The following MOB3A variants were observed in gnomAD, a reference collection of about 807,000 sequenced individuals.
MOB3A encodes MOB LAK.
Under a neutral mutation model 17.8 loss-of-function variants are expected in MOB3A, and 17 were observed. The observed-to-expected ratio is 0.95, with a 90% CI of 0.65 to 1.43. MOB3A has a LOEUF of 1.43. Among genes scored for constraint, MOB3A ranks in the 40% most tolerant of loss-of-function variants. MOB3A has a pLI of 0.00. For synonymous variants in MOB3A, 124 were observed against 133.2 expected, an observed-to-expected ratio of 0.93 and a Z score of 0.48; for missense variants, 333 against 310.8, an observed-to-expected ratio of 1.07 and a Z score of -0.54.
rs781164159 is a variant in MOB3A at position 2,078,433 on chromosome 19, AG to A, written c.127del (p.Leu43TrpfsTer15). The A allele has an allele frequency of 6.8e-6, 11 of 1,613,838 alleles. No homozygotes were observed. The highest frequency in any genetic ancestry group is 8.5e-6 in the Non-Finnish European group (10 of 1,179,818). ...KKAQASLNAG[L>X]DLRLAVQLPP... ...CAACTGCACGGCCAGCCGCAGGTCC[AG>A]CCCGGCGTTCAGCGACGCCTGCGCC... is the stretch of plus-strand genomic sequence containing the variant. On this transcript the variant is annotated frameshift_variant, in exon 3 of 5. Coordinates refer to ENST00000357066, the MANE Select transcript of MOB3A (RefSeq NM_130807.3). LOFTEE classifies it high-confidence loss of function.
intron 1 of MOB3A, among the ~76,000 whole-genome samples, chr19:2,092,341 T>A (rs1024575185): frequency 6.6e-6 from 1 of 152,076 alleles, no homozygotes; most frequent in Non-Finnish European, 1.5e-5. Context: ...GTTCAAGCTA[T>A]CCTTCTGCCT....
At position 2,078,246 on chromosome 19, in the gene MOB3A, A is replaced by T. The variant is rs1277845338; in HGVS notation, c.315T>A (p.His105Gln). 5 of 1,613,882 alleles carry T rather than the reference A, an allele frequency of 3.1e-6. No individual in the cohort carries two copies. In the Admixed American group the frequency reaches 8.3e-5, roughly 27 times the overall value. Reference sequence around the variant, plus strand: ...AGAGTGCCGTGGGCTTCCGGAACTTATGCTCATCCTGCCAGCGGTACTCAT... The same window carrying T: ...AGAGTGCCGTGGGCTTCCGGAACTTTTGCTCATCCTGCCAGCGGTACTCAT... ...PKYEYRWQDEHKFRKPTALSA... is the reference protein window; with the variant it reads ...PKYEYRWQDEQKFRKPTALSA... Residue 105 changes from histidine to glutamine, a missense_variant, in exon 3 of 5, where the codon CAT becomes CAA. His to Gln is a conservative substitution (Grantham distance 24, BLOSUM62 0). Transcript: ENST00000357066.
chr19:2,078,439 G>A lies in MOB3A; in HGVS notation c.122C>T (p.Ala41Val). ...LHKKAQASLN[A>V]GLDLRLAVQL... ...CACGGCCAGCCGCAGGTCCAGCCCGGCGTTCAGCGACGCCTGCGCCTTCTT... is the reference window on the plus strand; with the variant it reads ...CACGGCCAGCCGCAGGTCCAGCCCGACGTTCAGCGACGCCTGCGCCTTCTT... The change falls in exon 3 of 5, where the codon GCC (alanine) becomes GTC (valine). Residue 41 changes from alanine (A) to valine (V), a missense_variant. Ala to Val is a moderately conservative substitution (Grantham distance 64, BLOSUM62 0). Transcript: ENST00000357066. The A allele has an allele frequency of 6.2e-7, 1 of 1,613,768 alleles. No homozygotes were observed. The highest frequency in any genetic ancestry group is 8.5e-7 in the Non-Finnish European group (1 of 1,179,778).
chr19:2,074,576 G>C (rs1020651318), intron 4 of MOB3A, among the ~76,000 whole-genome samples: 1 of 150,726 alleles, frequency 6.6e-6, no homozygotes, highest in Non-Finnish European at 1.5e-5. Flanking sequence ...TTTTTGAGAC[G>C]GAGTTTCACT....
rs1001980324 is a variant in MOB3A, at chr19:2,096,280, G to T, written c.-328C>A. ...CTCCCGGTACCCAACTGGCCGCCTC[G>T]GCCGCCTCAGCCGCCGCACCGCCTC... On this transcript the variant is annotated 5_prime_UTR_variant, in exon 1 of 5. Coordinates refer to ENST00000357066, the MANE Select transcript of MOB3A (RefSeq NM_130807.3). 6.4e-6 allele frequency: 1 copy of T among 157,216 alleles called. No homozygotes were observed. The highest frequency in any genetic ancestry group is 2.4e-5 in the African/African-American group (1 of 41,412). The allele number at this position is 157,216 out of a possible 1,614,324, so 9.7% of individuals were successfully genotyped here. A position where few individuals can be genotyped will look rare whatever the true frequency, so the allele number is the denominator to read the frequency against.
intron 1 of MOB3A, among the ~76,000 whole-genome samples, chr19:2,094,564 C>G (rs567323158): frequency 6.6e-6 from 1 of 152,224 alleles, no homozygotes; most frequent in Non-Finnish European, 1.5e-5. Flanking sequence ...TGGGCTCTGA[C>G]GGCTCCAGCC....
At chr19:2,077,106 G>T in intron 3 of MOB3A, 93 bp from the exon 4 acceptor site, 4 of 1,178,564 alleles carry the variant, frequency 3.4e-6, no homozygotes, top group Non-Finnish European at 3.6e-6. Context: ...CTTCCAGACA[G>T]AAATTGCTGG....
chr19:2,073,514 G>T (rs1343079179), intron 4 of MOB3A, 90 bp from the exon 5 acceptor site: 3 of 1,565,614 alleles, frequency 1.9e-6, no homozygotes, highest in South Asian at 2.2e-5. Context: ...CACAGGCAGA[G>T]AAACGGCAGC....
chr19:2,086,201 C>T (rs972156528), intron 1 of MOB3A, among the ~76,000 whole-genome samples: 8 of 151,236 alleles, frequency 5.3e-5, no homozygotes, highest in Non-Finnish European at 7.4e-5. Context: ...CTACAACGCC[C>T]GACTAATTTT....
chr19:2,076,454 C>CA (rs1310915498), intron 4 of MOB3A, among the ~76,000 whole-genome samples: 1 of 152,076 alleles, frequency 6.6e-6, no homozygotes, highest in Non-Finnish European at 1.5e-5. Context: ...AACAAACAAA[C>CA]AAAAAAAGTC....
chr19:2,071,099 G>A lies in MOB3A; in HGVS notation c.*2296C>T, dbSNP rs1343452830. On this transcript the variant is annotated 3_prime_UTR_variant, in exon 5 of 5. Coordinates refer to ENST00000357066, the MANE Select transcript of MOB3A (RefSeq NM_130807.3). The stretch of plus-strand genomic sequence containing the variant: ...CTGGGGGAGGGTGGTCTCCGAGGTG[G>A]ATGGAGTGAGGGTGGAGGGGACAGA... 6.6e-6 allele frequency: 1 copy of A among 152,126 alleles called. No homozygotes were observed. Among genetic ancestry groups the A allele is most frequent in the African/African-American group, 2.4e-5 (1 of 41,416 alleles). The allele number at this position is 152,126 out of a possible 1,614,324, so 9.4% of individuals were successfully genotyped here.
At chr19:2,094,893 G>A (rs1189012120) in intron 1 of MOB3A, among the ~76,000 whole-genome samples, 5 of 152,244 alleles carry the variant, frequency 3.3e-5, no homozygotes, top group African/African-American at 7.2e-5. Context: ...AGTGTGGGCC[G>A]GGCGCGGTGG....
intron 4 of MOB3A, among the ~76,000 whole-genome samples, chr19:2,075,585 G>A (rs990641211): frequency 6.6e-6 from 1 of 152,160 alleles, no homozygotes; most frequent in Admixed American, 6.6e-5. Context: ...GCAGCCTGGG[G>A]AACAATGCAG....
At chr19:2,094,555 G>C (rs2017649132) in intron 1 of MOB3A, among the ~76,000 whole-genome samples, 1 of 152,194 alleles carries the variant, frequency 6.6e-6, no homozygotes, top group South Asian at 2.1e-4. Context: ...GCATCACTGT[G>C]GGCTCTGACG....
At chr19:2,085,909 A>G (rs2017547461) in intron 1 of MOB3A, among the ~76,000 whole-genome samples, 1 of 124,092 alleles carries the variant, frequency 8.1e-6, no homozygotes, top group Non-Finnish European at 1.6e-5. Context: ...GCTTGCAGTG[A>G]GCGGAGATTG....
Position 2,093,318 on chromosome 19 carries a change from C to T in MOB3A, c.-274+2908G>A, listed in dbSNP as rs750442644. On this transcript the variant is annotated intron_variant, in intron 1 of 4. Coordinates refer to ENST00000357066, the MANE Select transcript of MOB3A (RefSeq NM_130807.3). The surrounding 1 kb of genome is among the most constrained non-coding windows in gnomAD (Gnocchi z 4.6). ...GACTACAGGCACGCGCCAGCATGCC[C>T]GGGTAAATTTTGTATTCCTCAGCCG... Among the ~76,000 whole-genome samples, 3 of 151,970 alleles carry T rather than the reference C, an allele frequency of 2.0e-5. No individual in the cohort carries two copies. The highest frequency in any genetic ancestry group is 6.6e-5 in the Admixed American group (1 of 15,230).
At chr19:2,091,407 C>T (rs1233060894) in intron 1 of MOB3A, among the ~76,000 whole-genome samples, 3 of 151,730 alleles carry the variant, frequency 2.0e-5, no homozygotes, top group African/African-American at 4.8e-5. Flanking sequence ...TTTTGGAGAC[C>T]GAGTCTTGCT....
At chr19:2,083,346 C>T (rs1414239217) in intron 2 of MOB3A, among the ~76,000 whole-genome samples, 2 of 152,218 alleles carry the variant, frequency 1.3e-5, no homozygotes, top group African/African-American at 4.8e-5. Flanking sequence ...GACAGCTCAG[C>T]ACCCCAGAGC....
chr19:2,079,965 CAG>C (rs2017465615), intron 2 of MOB3A, among the ~76,000 whole-genome samples: 1 of 152,234 alleles, frequency 6.6e-6, no homozygotes, highest in Non-Finnish European at 1.5e-5. Context: ...TGAGAATTCT[CAG>C]GGGACAGAGA....
Sources: gnomAD v4.1 joint callset for allele counts (sites outside exome capture counted in the v4.1 genomes callset) on GRCh38, gnomAD v4.1.1 for gene constraint, Gnocchi (gnomAD v3.1) non-coding constraint, MANE v1.5 for transcripts, NCBI Gene and HGNC (gene_info 2026-07-23, HGNC 2026-07-21) for gene names.